The following GRIK2 variants were observed in gnomAD, a reference collection of about 807,000 sequenced individuals.
The protein encoded by GRIK2 is glutamate ionotropic receptor kainate type subunit 2, also known as glutamate receptor ionotropic, kainate 2.
Under a neutral mutation model 100.3 loss-of-function variants are expected in GRIK2, and 32 were observed. The observed-to-expected ratio is 0.32, with a 90% CI of 0.24 to 0.43. The LOEUF (loss-of-function observed/expected upper bound fraction) is 0.43, where lower values mean the gene tolerates loss of function less well. Among genes scored for constraint, GRIK2 ranks in the 20% least tolerant of loss-of-function variants. The pLI, the probability that GRIK2 is intolerant of heterozygous loss-of-function variation, is 1.00. For missense variants in GRIK2, 843 were observed against 1,114.9 expected (o/e 0.76, Z 3.47); for synonymous variants, 417 against 389.4 (o/e 1.07, Z -0.83).
chr6:101,495,717 T>C (rs900479479), intron 2 of GRIK2, among the ~76,000 whole-genome samples: 4 of 152,132 alleles, frequency 2.6e-5, no homozygotes, highest in African/African-American at 9.7e-5. Context: ...TGTCAAGTTA[T>C]AAAGTTTGTT....
At chr6:101,792,166 G>T (rs1779917897) in intron 7 of GRIK2, among the ~76,000 whole-genome samples, 1 of 151,028 alleles carries the variant, frequency 6.6e-6, no homozygotes, top group Non-Finnish European at 1.5e-5. Context: ...TATCCAATTT[G>T]CCAGTCTGTG....
intron 7 of GRIK2, among the ~76,000 whole-genome samples, chr6:101,708,043 T>C (rs1301921049): frequency 6.6e-6 from 1 of 151,740 alleles, no homozygotes; most frequent in Non-Finnish European, 1.5e-5. Flanking sequence ...CCCAATTGCT[T>C]TTCTGGGCAT....
intron 7 of GRIK2, among the ~76,000 whole-genome samples, chr6:101,773,058 A>G (rs911981778): frequency 2.0e-5 from 3 of 152,208 alleles, no homozygotes; most frequent in African/African-American, 7.2e-5. Flanking sequence ...GAGAAAGTGT[A>G]TGTTCATATG....
chr6:101,710,680 A>G (rs1327792862), intron 7 of GRIK2, among the ~76,000 whole-genome samples: 1 of 151,790 alleles, frequency 6.6e-6, no homozygotes, highest in East Asian at 2.0e-4. Context: ...TAGCTCATCC[A>G]CTGTTTCAAT....
At chr6:101,836,312 G>C (rs996952925) in intron 10 of GRIK2, among the ~76,000 whole-genome samples, 3 of 151,930 alleles carry the variant, frequency 2.0e-5, no homozygotes, top group East Asian at 1.9e-4. Context: ...GTCTTGATTT[G>C]TGCCGTCCAA....
chr6:101,663,429 G>C (rs1166610743), intron 4 of GRIK2, among the ~76,000 whole-genome samples: 1 of 152,158 alleles, frequency 6.6e-6, no homozygotes, highest in African/African-American at 2.4e-5. Context: ...GTGGCCATCA[G>C]AATTGAACAA....
At position 102,050,663 on chromosome 6, in the gene GRIK2, A is replaced by C. The variant is rs1346434849; in HGVS notation, c.2312-4667A>C. Among the ~76,000 whole-genome samples the C allele has an allele frequency of 2.0e-5, 3 of 151,518 alleles. No individual in the cohort carries two copies. The East Asian group carries it at 5.8e-4, about 29-fold the overall frequency. ...AAACTCGGTCTAAAAAAAAAAAAAA[A>C]AAAACGGAATAAGAAATAAAAAGAG... On this transcript the variant is annotated intron_variant, in intron 15 of 16. Transcript: ENST00000369134.
At chr6:101,865,199 G>A (rs1471780725) in intron 11 of GRIK2, among the ~76,000 whole-genome samples, 1 of 152,154 alleles carries the variant, frequency 6.6e-6, no homozygotes, top group Non-Finnish European at 1.5e-5. Context: ...GAAGTCTGTT[G>A]GAATCTAATT....
chr6:101,998,586 T>C (rs186217636), intron 14 of GRIK2, among the ~76,000 whole-genome samples: 1 of 152,170 alleles, frequency 6.6e-6, no homozygotes, highest in Non-Finnish European at 1.5e-5. Context: ...TATTTTCTTC[T>C]AGAAGTTTTA....
rs151036918 is a variant in GRIK2, at chr6:101,497,641, A to G, written c.115+98249A>G. Among the ~76,000 whole-genome samples the G allele has an allele frequency of 5.7e-3, 864 of 152,258 alleles. 8 individuals carry two copies. The highest frequency in any genetic ancestry group is 0.02 in the African/African-American group (815 of 41,564). On this transcript the variant is annotated intron_variant, in intron 2 of 16. Transcript: ENST00000369134. ...TTGTTTTTGTTTATATACCTAACATATTAAAGTTTCATACTTAGTACTAGA... is the reference window on the plus strand; with the variant it reads ...TTGTTTTTGTTTATATACCTAACATGTTAAAGTTTCATACTTAGTACTAGA...
At chr6:101,454,729 AC>A (rs1408307017) in intron 2 of GRIK2, among the ~76,000 whole-genome samples, 1 of 152,050 alleles carries the variant, frequency 6.6e-6, no homozygotes, top group African/African-American at 2.4e-5. Flanking sequence ...TCTGTGGGAA[AC>A]CATAAAGTTG....
intron 10 of GRIK2, among the ~76,000 whole-genome samples, chr6:101,836,661 A>ATAT (rs1246261796): frequency 4.2e-4 from 24 of 57,806 alleles, no homozygotes; most frequent in African/African-American, 1.7e-3. Flanking sequence ...ATATATATAT[A>ATAT]TTTTTTTTTT....
At chr6:101,601,204 G>A (rs1020371054) in intron 2 of GRIK2, among the ~76,000 whole-genome samples, 1 of 149,950 alleles carries the variant, frequency 6.7e-6, no homozygotes, top group Non-Finnish European at 1.5e-5. Flanking sequence ...CATGGTTTTT[G>A]GTTTTAAATC....
At chr6:101,840,905 C>T (rs1220550257) in intron 10 of GRIK2, among the ~76,000 whole-genome samples, 1 of 152,152 alleles carries the variant, frequency 6.6e-6, no homozygotes, top group East Asian at 1.9e-4. Context: ...GAAATGCTTT[C>T]GCCATATAGT....
chr6:101,488,491 T>A (rs1562173545), intron 2 of GRIK2, among the ~76,000 whole-genome samples: 1 of 146,970 alleles, frequency 6.8e-6, no homozygotes, highest in Non-Finnish European at 1.5e-5. Flanking sequence ...GAATTTTGTG[T>A]GAGGTTTATC....
intron 7 of GRIK2, among the ~76,000 whole-genome samples, chr6:101,707,259 A>T (rs2128356425): frequency 6.6e-6 from 1 of 151,724 alleles, no homozygotes; most frequent in East Asian, 2.0e-4. Flanking sequence ...AATGTAAGAT[A>T]GTTATTGCAT....
At chr6:101,887,500 T>C (rs553698609) in intron 11 of GRIK2, among the ~76,000 whole-genome samples, 2 of 142,140 alleles carry the variant, frequency 1.4e-5, no homozygotes, top group East Asian at 4.3e-4. Flanking sequence ...TTATGTTCAT[T>C]TTTTACCTGA....
intron 2 of GRIK2, among the ~76,000 whole-genome samples, chr6:101,597,241 G>GTTGA (rs1778968986): frequency 6.6e-6 from 1 of 151,510 alleles, no homozygotes; most frequent in South Asian, 2.1e-4. Context: ...GAGGAGGAGG[G>GTTGA]AGGGGAAGAA....
At chr6:101,719,353 A>G (rs963871252) in intron 7 of GRIK2, among the ~76,000 whole-genome samples, 3 of 151,860 alleles carry the variant, frequency 2.0e-5, no homozygotes, top group Non-Finnish European at 4.4e-5. Context: ...AGGAGTTGTT[A>G]ACAAAATATA....
Sources: gnomAD v4.1 joint callset for allele counts (sites outside exome capture counted in the v4.1 genomes callset) on GRCh38, gnomAD v4.1.1 for gene constraint, MANE v1.5 for transcripts, NCBI Gene and HGNC (gene_info 2026-07-23, HGNC 2026-07-21) for gene names.